The following NFAT5 variants were observed in gnomAD, a reference collection of about 807,000 sequenced individuals.
The protein encoded by NFAT5 is nuclear factor of activated T cells 5.
NFAT5 carries 31 observed loss-of-function variants against 166.5 expected under a neutral mutation model. That is an observed-to-expected ratio of 0.19 (90% CI 0.14 to 0.25). The LOEUF is 0.25. Among genes scored for constraint, NFAT5 ranks in the 10% least tolerant of loss-of-function variants. The pLI is 1.00. For missense variants in NFAT5, 1,449 were observed against 1,821.8 expected (o/e 0.80, Z 3.72); for synonymous variants, 612 against 639.7 (o/e 0.96, Z 0.65).
chr16:69,616,462 A>T (rs988040698), intron 2 of NFAT5, among the ~76,000 whole-genome samples: 6 of 151,656 alleles, frequency 4.0e-5, no homozygotes, highest in Non-Finnish European at 7.4e-5. Context: ...TGCTCACTCC[A>T]CAGAGATCCT....
At chr16:69,676,177 T>C (rs529033935) in intron 9 of NFAT5, among the ~76,000 whole-genome samples, 9 of 152,158 alleles carry the variant, frequency 5.9e-5, no homozygotes, top group African/African-American at 2.2e-4. Flanking sequence ...AAAAGCATAA[T>C]CACTACCCTG....
intron 2 of NFAT5, among the ~76,000 whole-genome samples, chr16:69,577,000 A>T (rs1167538768): frequency 6.6e-6 from 1 of 152,226 alleles, no homozygotes; most frequent in African/African-American, 2.4e-5. Context: ...AAGTAAATTC[A>T]AGAAGAGATG....
chr16:69,571,992 G>C (rs2016470356), intron 2 of NFAT5, among the ~76,000 whole-genome samples: 1 of 152,020 alleles, frequency 6.6e-6, no homozygotes, highest in Non-Finnish European at 1.5e-5. Context: ...TCGATCTCCT[G>C]ATCTCGTGAT....
chr16:69,629,216 G>A (rs893553322), intron 3 of NFAT5, among the ~76,000 whole-genome samples: 1 of 152,168 alleles, frequency 6.6e-6, no homozygotes, highest in Admixed American at 6.5e-5. Context: ...CTGCCATAAA[G>A]GTTTGTGTTT....
intron 2 of NFAT5, among the ~76,000 whole-genome samples, chr16:69,620,385 G>A (rs560946914): frequency 6.6e-6 from 1 of 152,284 alleles, no homozygotes; most frequent in South Asian, 2.1e-4. Flanking sequence ...ATTTAGGTGA[G>A]TTGATTACAC....
At chr16:69,644,760 T>C (rs1175704943) in intron 3 of NFAT5, 1 of 424,736 alleles carries the variant, frequency 2.4e-6, no homozygotes, top group African/African-American at 2.1e-5. Flanking sequence ...GGGTTCATGA[T>C]TGCTTTTCAC....
chr16:69,619,979 A>T (rs1453221755), intron 2 of NFAT5, among the ~76,000 whole-genome samples: 1 of 152,262 alleles, frequency 6.6e-6, no homozygotes, highest in Non-Finnish European at 1.5e-5. Flanking sequence ...TGAATAATAA[A>T]GGATTGAATT....
At chr16:69,685,227 G>GT (rs907335773) in intron 11 of NFAT5, 155 of 129,796 alleles carry the variant, frequency 1.2e-3, no homozygotes, top group Middle Eastern at 3.7e-3. Context: ...GAGGAGTTTT[G>GT]TTTTTTTTTT....
At chr16:69,653,674 C>T (rs2035768127) in intron 5 of NFAT5, among the ~76,000 whole-genome samples, 1 of 150,632 alleles carries the variant, frequency 6.6e-6, no homozygotes, top group Non-Finnish European at 1.5e-5. Context: ...CTCCGGGGTG[C>T]AAGTAATCAT....
intron 10 of NFAT5, among the ~76,000 whole-genome samples, chr16:69,683,100 A>C (rs890541993): frequency 2.2e-4 from 33 of 152,232 alleles, no homozygotes; most frequent in Non-Finnish European, 4.0e-4. Flanking sequence ...AATCCCAGCT[A>C]CTGGGGAGGC....
intron 2 of NFAT5, among the ~76,000 whole-genome samples, chr16:69,621,306 C>T (rs1214174269): frequency 6.6e-6 from 1 of 151,754 alleles, no homozygotes; most frequent in Non-Finnish European, 1.5e-5. Context: ...ATAAAGGTTA[C>T]CCATTTAGAG....
chr16:69,609,435 A>G (rs910262473), intron 2 of NFAT5, among the ~76,000 whole-genome samples: 2 of 152,212 alleles, frequency 1.3e-5, no homozygotes, highest in African/African-American at 4.8e-5. Context: ...ACATATGTCT[A>G]CATGAAATTC....
At chr16:69,648,582 A>G (rs2035546453) in intron 4 of NFAT5, 4 of 984,436 alleles carry the variant, frequency 4.1e-6, no homozygotes, top group Non-Finnish European at 4.8e-6. Flanking sequence ...ATATAGTTCA[A>G]TAGCTATGTT....
intron 7 of NFAT5, among the ~76,000 whole-genome samples, chr16:69,661,108 G>A (rs1448227798): frequency 8.8e-6 from 1 of 113,114 alleles, no homozygotes; most frequent in Non-Finnish European, 1.7e-5. Flanking sequence ...TTGTTAGATT[G>A]TGGCTCATGC....
At chr16:69,677,602 G>T (rs2036880840) in intron 10 of NFAT5, among the ~76,000 whole-genome samples, 1 of 152,182 alleles carries the variant, frequency 6.6e-6, no homozygotes, top group Non-Finnish European at 1.5e-5. Flanking sequence ...TATCTGACAG[G>T]TTACTCCTCC....
At chr16:69,685,977 A>C (rs965286040) in intron 11 of NFAT5, 1 of 152,240 alleles carries the variant, frequency 6.6e-6, no homozygotes, top group Non-Finnish European at 1.5e-5. Flanking sequence ...CTCAGGAAGC[A>C]GAGGTTGCGG....
chr16:69,569,400 C>T (rs2016303052), intron 2 of NFAT5, among the ~76,000 whole-genome samples: 1 of 151,342 alleles, frequency 6.6e-6, no homozygotes, highest in African/African-American at 2.4e-5. Flanking sequence ...TGCAAAGCGG[C>T]CACCGTGAAA....
chr16:69,595,037 C>G (rs952568867), intron 2 of NFAT5, among the ~76,000 whole-genome samples: 2 of 152,160 alleles, frequency 1.3e-5, no homozygotes, highest in Non-Finnish European at 2.9e-5. Flanking sequence ...ATTGTACCCA[C>G]TCAGATTGAG....
intron 2 of NFAT5, among the ~76,000 whole-genome samples, chr16:69,570,306 C>T (rs535451057): frequency 6.6e-6 from 1 of 152,128 alleles, no homozygotes; most frequent in African/African-American, 2.4e-5. Context: ...AAGTTGTTTG[C>T]TTCTGTAATG....
Sources: gnomAD v4.1 joint callset for allele counts (sites outside exome capture counted in the v4.1 genomes callset) on GRCh38, gnomAD v4.1.1 for gene constraint, MANE v1.5 for transcripts, NCBI Gene and HGNC (gene_info 2026-07-23, HGNC 2026-07-21) for gene names.